Variants in PPM1L observed in about 807,000 individuals in gnomAD.
PPM1L encodes protein phosphatase, Mg2+/Mn2+ dependent 1L.
A neutral mutation model predicts 31.4 loss-of-function variants in PPM1L; 13 were observed. The observed-to-expected ratio is 0.41, with a 90% CI of 0.27 to 0.66. The LOEUF is 0.66. PPM1L is among the 30% of genes least tolerant of loss of function. The pLI, the probability that PPM1L is intolerant of heterozygous loss-of-function variation, is 0.29. For synonymous variants in PPM1L, 184 were observed against 175.4 expected, an observed-to-expected ratio of 1.05 and a Z score of -0.39; for missense variants, 326 against 453.7, an observed-to-expected ratio of 0.72 and a Z score of 2.56.
At position 160,847,684 on chromosome 3, in the gene PPM1L, A is replaced by ACAAAT. The variant is rs1553812308; in HGVS notation, c.399+90981_399+90982insTCAAA. On this transcript the variant is annotated intron_variant, in intron 1 of 3. Coordinates refer to ENST00000498165, the MANE Select transcript of PPM1L (RefSeq NM_139245.4). The stretch of plus-strand genomic sequence containing the variant: ...CATACCAAAAACAAAACAAAACAAA[A>ACAAAT]CAAAGCAAAAACCTCAGAAACAAAA... Among the ~76,000 whole-genome samples, 223 of 152,296 alleles carry ACAAAT rather than the reference A, an allele frequency of 1.5e-3. 2 individuals are homozygous for ACAAAT. The South Asian group carries it at 0.043, about 29-fold the overall frequency.
intron 1 of PPM1L, among the ~76,000 whole-genome samples, chr3:160,820,073 G>A (rs1426090019): frequency 2.0e-5 from 3 of 152,062 alleles, no homozygotes; most frequent in Admixed American, 2.0e-4. Flanking sequence ...TCGGAGGTGG[G>A]AAGAGACCAA....
chr3:160,765,678 G>A (rs1715085519), intron 1 of PPM1L, among the ~76,000 whole-genome samples: 1 of 152,126 alleles, frequency 6.6e-6, no homozygotes, highest in South Asian at 2.1e-4. Flanking sequence ...AGAAATTATA[G>A]TGGTATTAGC....
At chr3:161,013,614 G>C (rs1298064594) in intron 2 of PPM1L, among the ~76,000 whole-genome samples, 2 of 152,144 alleles carry the variant, frequency 1.3e-5, no homozygotes, top group Admixed American at 6.5e-5. Flanking sequence ...GTCTAATGTT[G>C]ACAGTGGGGG....
chr3:160,829,559 A>G (rs1012299186), intron 1 of PPM1L, among the ~76,000 whole-genome samples: 6 of 152,280 alleles, frequency 3.9e-5, no homozygotes, highest in South Asian at 2.1e-4. Context: ...AGTGGACATC[A>G]GATACAATTT....
chr3:160,877,294 G>A (rs575783695), intron 1 of PPM1L, among the ~76,000 whole-genome samples: 1 of 152,198 alleles, frequency 6.6e-6, no homozygotes, highest in African/African-American at 2.4e-5. Flanking sequence ...GCCATTTTTG[G>A]AGTTCTCATC....
chr3:160,803,885 T>G (rs1427748150), intron 1 of PPM1L, among the ~76,000 whole-genome samples: 3 of 152,182 alleles, frequency 2.0e-5, no homozygotes, highest in Non-Finnish European at 4.4e-5. Flanking sequence ...TGAGAGACAC[T>G]TAGCATAGAG....
intron 2 of PPM1L, among the ~76,000 whole-genome samples, chr3:161,008,812 T>C (rs1281234881): frequency 6.6e-6 from 1 of 152,138 alleles, no homozygotes; most frequent in Non-Finnish European, 1.5e-5. Flanking sequence ...GGAGCTTAGT[T>C]TGGGACATGC....
chr3:160,896,595 A>G (rs768082514), intron 1 of PPM1L, among the ~76,000 whole-genome samples: 8 of 152,226 alleles, frequency 5.3e-5, no homozygotes, highest in Non-Finnish European at 1.0e-4. Flanking sequence ...CCCTTTTAAA[A>G]AGTAAATGCA....
intron 2 of PPM1L, among the ~76,000 whole-genome samples, chr3:161,010,088 G>A (rs995403347): frequency 6.6e-6 from 1 of 151,998 alleles, no homozygotes; most frequent in African/African-American, 2.4e-5. Flanking sequence ...TGCACCATGT[G>A]GGTGTGCTGC....
intron 2 of PPM1L, among the ~76,000 whole-genome samples, chr3:160,982,454 CTCTT>C (rs1168448293): frequency 2.0e-5 from 3 of 152,000 alleles, no homozygotes; most frequent in African/African-American, 7.2e-5. Context: ...TTTTGTTTTT[CTCTT>C]TGTTTCCTTA....
In PPM1L at chr3:161,078,396, G is replaced by A; in HGVS notation, c.*9239G>A. On this transcript the variant is annotated 3_prime_UTR_variant, in exon 4 of 4. Coordinates refer to ENST00000498165, the MANE Select transcript of PPM1L (RefSeq NM_139245.4). ...TCTTGCAACTTTAAAAATCACAAGG[G>A]ATTATTTGTTTATAAAGAGATACAG... 6.6e-6 allele frequency: 1 copy of A among 152,036 alleles called. No homozygotes were observed. Among genetic ancestry groups the A allele is most frequent in the East Asian group, 1.9e-4 (1 of 5,196 alleles). 9.4% of individuals were successfully genotyped at this position (152,036 alleles called of 1,614,324 possible).
At chr3:160,858,747 A>G (rs1332579309) in intron 1 of PPM1L, among the ~76,000 whole-genome samples, 1 of 152,156 alleles carries the variant, frequency 6.6e-6, no homozygotes, top group Non-Finnish European at 1.5e-5. Context: ...GTATTAATTT[A>G]CCTGTTTAAA....
intron 1 of PPM1L, among the ~76,000 whole-genome samples, chr3:160,897,024 T>C (rs1449970100): frequency 6.6e-6 from 1 of 151,242 alleles, no homozygotes; most frequent in South Asian, 2.1e-4. Context: ...GTGGCTGACA[T>C]TTCTATGACT....
chr3:160,790,425 G>T (rs1305230099), intron 1 of PPM1L, among the ~76,000 whole-genome samples: 1 of 152,086 alleles, frequency 6.6e-6, no homozygotes. Context: ...CAAATATGTT[G>T]TATGTAAATA....
chr3:160,970,514 A>G (rs987847178), intron 2 of PPM1L, among the ~76,000 whole-genome samples: 1 of 147,026 alleles, frequency 6.8e-6, no homozygotes, highest in African/African-American at 2.5e-5. Flanking sequence ...CAGTGGCGCA[A>G]TCTTGGCTCA....
intron 1 of PPM1L, among the ~76,000 whole-genome samples, chr3:160,761,426 T>C (rs1443668540): frequency 6.6e-6 from 1 of 152,152 alleles, no homozygotes; most frequent in Non-Finnish European, 1.5e-5. Context: ...TATTATATTA[T>C]ATAGTGTCAT....
At chr3:160,788,469 T>C (rs372515321) in intron 1 of PPM1L, among the ~76,000 whole-genome samples, 1 of 152,084 alleles carries the variant, frequency 6.6e-6, no homozygotes, top group Non-Finnish European at 1.5e-5. Flanking sequence ...AGTGTAAGAG[T>C]TCTTTCTGTA....
rs1269744431 is a variant in PPM1L, at chr3:161,076,057, A to T, written c.*6900A>T. ...CTAGTGAGTACTCAATTTACGACAG[A>T]CAATTTCACAAAAACCAACCACAGA... On this transcript the variant is annotated 3_prime_UTR_variant, in exon 4 of 4. Coordinates refer to ENST00000498165, the MANE Select transcript of PPM1L (RefSeq NM_139245.4). 6.6e-6 allele frequency: 1 copy of T among 152,232 alleles called. No homozygotes were observed. Among genetic ancestry groups the T allele is most frequent in the Non-Finnish European group, 1.5e-5 (1 of 68,044 alleles). The allele number at this position is 152,232 out of a possible 1,614,324, so 9.4% of individuals were successfully genotyped here. A position where few individuals can be genotyped will look rare whatever the true frequency, so the allele number is the denominator to read the frequency against.
At chr3:160,988,793 G>A (rs1018445332) in intron 2 of PPM1L, among the ~76,000 whole-genome samples, 8 of 152,146 alleles carry the variant, frequency 5.3e-5, no homozygotes, top group Admixed American at 2.0e-4. Flanking sequence ...TGCTTCCTCT[G>A]TTCAGATATA....
Sources: gnomAD v4.1 joint callset for allele counts (sites outside exome capture counted in the v4.1 genomes callset) on GRCh38, gnomAD v4.1.1 for gene constraint, MANE v1.5 for transcripts, NCBI Gene and HGNC (gene_info 2026-07-23, HGNC 2026-07-21) for gene names.